The following CHD1L variants were observed in gnomAD, a reference collection of about 807,000 sequenced individuals.
The protein encoded by CHD1L is ATP-dependent chromatin remodeler CHD1L.
CHD1L carries 118 observed loss-of-function variants against 115.9 expected under a neutral mutation model. That is an observed-to-expected ratio of 1.02 (90% CI 0.88 to 1.19). The LOEUF is 1.19. Among genes scored for constraint, CHD1L ranks in the 50% most tolerant of loss-of-function variants. CHD1L has a pLI of 0.00. For missense variants in CHD1L, 1,179 were observed against 1,065.3 expected (o/e 1.11, Z -1.49); for synonymous variants, 411 against 387.1 (o/e 1.06, Z -0.72).
chr1:147,271,141 T>A, intron 11 of CHD1L, 136 bp downstream of exon 11: 1 of 736,970 alleles, frequency 1.4e-6, no homozygotes, highest in Non-Finnish European at 2.2e-6. Flanking sequence ...AACCAAAAAA[T>A]CAAAAGGCGA....
At chr1:147,183,080 C>T in the CHD1L span, among the ~76,000 whole-genome samples, 4 of 152,166 alleles carry the variant, frequency 2.6e-5, no homozygotes, top group African/African-American at 9.7e-5. Context: ...CACCTGTAGT[C>T]CCAGCTACAT....
chr1:147,294,268 A>C, intron 21 of CHD1L, 141 bp from the exon 22 acceptor site: 1 of 485,784 alleles, frequency 2.1e-6, no homozygotes, highest in South Asian at 5.3e-5. Flanking sequence ...TTCTTACTAC[A>C]ATTCTTCCCC....
the CHD1L span, among the ~76,000 whole-genome samples, chr1:147,220,085 A>G: frequency 6.6e-6 from 1 of 151,984 alleles, no homozygotes. Flanking sequence ...TGATCCACCC[A>G]CCTCGGCCTC....
chr1:147,270,095 C>T (rs1452378118), intron 10 of CHD1L, among the ~76,000 whole-genome samples: 1 of 152,142 alleles, frequency 6.6e-6, no homozygotes, highest in African/African-American at 2.4e-5. Context: ...TTTTCAGGTT[C>T]ATTGCTTTCT....
intron 15 of CHD1L, among the ~76,000 whole-genome samples, chr1:147,281,888 G>C (rs1681030821): frequency 6.6e-6 from 1 of 151,994 alleles, no homozygotes; most frequent in South Asian, 2.1e-4. Context: ...GTACATTGTG[G>C]AATCATTAAA....
the CHD1L span, chr1:147,190,235 G>T: frequency 6.2e-7 from 1 of 1,608,534 alleles, no homozygotes; most frequent in Non-Finnish European, 8.5e-7. Flanking sequence ...CTCTGTGAGG[G>T]CAATGTCTTT....
chr1:147,263,660 C>T (rs1336661357), intron 6 of CHD1L, among the ~76,000 whole-genome samples: 3 of 151,588 alleles, frequency 2.0e-5, no homozygotes, highest in Non-Finnish European at 2.9e-5. Flanking sequence ...ATTTGAGATT[C>T]TCTGTGATCT....
At chr1:147,268,261 C>G (rs1674743920) in intron 9 of CHD1L, among the ~76,000 whole-genome samples, 1 of 151,920 alleles carries the variant, frequency 6.6e-6, no homozygotes, top group African/African-American at 2.4e-5. Context: ...TTTTTTGATT[C>G]CCTGATTGGT....
chr1:147,292,544 G>T (rs1256844657), intron 20 of CHD1L, among the ~76,000 whole-genome samples: 1 of 152,184 alleles, frequency 6.6e-6, no homozygotes, highest in Non-Finnish European at 1.5e-5. Flanking sequence ...TGTGATAAAA[G>T]AATTCCCTGA....
chr1:147,224,630 C>T, the CHD1L span, among the ~76,000 whole-genome samples: 1 of 152,104 alleles, frequency 6.6e-6, no homozygotes, highest in Non-Finnish European at 1.5e-5. Flanking sequence ...CTGCCTTAGC[C>T]TCCCGAGTAG....
At chr1:147,278,981 A>C (rs1679748036) in intron 14 of CHD1L, among the ~76,000 whole-genome samples, 1 of 152,170 alleles carries the variant, frequency 6.6e-6, no homozygotes. Context: ...AGGTGAGCAT[A>C]AGTACAAGGG....
At position 147,295,537 on chromosome 1, in the gene CHD1L, T is replaced by C. The variant is rs782598808; in HGVS notation, c.*28T>C. ...ATTGGCCCAGCCTCAGATCCTGTCT[T>C]TAGCAACCAGCTAATATTTACCCAG... On this transcript the variant is annotated 3_prime_UTR_variant, in exon 23 of 23. Transcript: ENST00000369258. The C allele has an allele frequency of 2.0e-6, 3 of 1,515,760 alleles. No homozygotes were observed. 93.9% of individuals were successfully genotyped at this position (1,515,760 alleles called of 1,614,324 possible).
chr1:147,230,958 C>G, the CHD1L span, among the ~76,000 whole-genome samples: 2 of 151,956 alleles, frequency 1.3e-5, no homozygotes, highest in African/African-American at 4.8e-5. Context: ...AAAAAAAAAG[C>G]TCCTGGATTC....
rs758441858 is a variant in CHD1L, at chr1:147,252,650, AG to A, written c.158del (p.Gly53GlufsTer2). 3.7e-6 allele frequency: 6 copies of A among 1,613,862 alleles called. No individual in the cohort carries two copies. The highest frequency in any genetic ancestry group is 4.2e-6 in the Non-Finnish European group (5 of 1,179,982). ...ATTCACCTACGCTCTTACCAGCTGG[AG>A]GGAGTAAACTGGCTCGCCCAGCGCT... is the stretch of plus-strand genomic sequence containing the variant. ...TGIHLRSYQL[E>X]GVNWLAQRFH... On this transcript the variant is annotated frameshift_variant, in exon 2 of 23. Coordinates refer to ENST00000369258, the MANE Select transcript of CHD1L (RefSeq NM_004284.6). LOFTEE classifies it high-confidence loss of function.
the CHD1L span, chr1:147,213,372 A>C: frequency 6.2e-6 from 10 of 1,613,700 alleles, no homozygotes; most frequent in African/African-American, 1.2e-4. Flanking sequence ...TGACTCCATC[A>C]AAGACATTCA....
At chr1:147,197,385 T>C in the CHD1L span, among the ~76,000 whole-genome samples, 1 of 152,100 alleles carries the variant, frequency 6.6e-6, no homozygotes, top group Non-Finnish European at 1.5e-5. Context: ...AATGAACAAA[T>C]CATTAAGCGT....
chr1:147,204,990 G>C, the CHD1L span: 1 of 969,764 alleles, frequency 1.0e-6, no homozygotes, highest in Middle Eastern at 2.7e-4. Flanking sequence ...AGGAACCAAA[G>C]GTTTTCATGC....
At chr1:147,227,986 C>T in the CHD1L span, among the ~76,000 whole-genome samples, 6 of 149,254 alleles carry the variant, frequency 4.0e-5, no homozygotes, top group Non-Finnish European at 7.4e-5. Flanking sequence ...GATCTTGGCT[C>T]ACTGCAAGCT....
chr1:147,202,605 A>G, the CHD1L span, among the ~76,000 whole-genome samples: 1 of 152,188 alleles, frequency 6.6e-6, no homozygotes, highest in African/African-American at 2.4e-5. Flanking sequence ...GGCGTGAGCC[A>G]CAGCACCTGG....
Sources: allele counts gnomAD v4.1 joint callset (sites outside exome capture counted in the v4.1 genomes callset), GRCh38; gene constraint gnomAD v4.1.1; transcripts MANE v1.5; gene names NCBI Gene and HGNC (gene_info 2026-07-23, HGNC 2026-07-21).